PRKN: variants seen among roughly 807,000 people sequenced by gnomAD.
PRKN encodes the protein parkin RBR E3 ubiquitin protein ligase.
PRKN carries 56 observed loss-of-function variants against 59.5 expected under a neutral mutation model. The ratio of observed to expected loss-of-function variants is 0.94; its 90% CI spans 0.76 to 1.18. The LOEUF is 1.18. Among genes scored for constraint, PRKN ranks in the 50% most tolerant of loss-of-function variants. PRKN has a pLI of 0.00. For missense variants in PRKN, 657 were observed against 596.4 expected, an observed-to-expected ratio of 1.10 and a Z score of -1.06; for synonymous variants, 250 against 222.1, an observed-to-expected ratio of 1.13 and a Z score of -1.12.
At chr6:161,622,414 C>A (rs191112936) in intron 7 of PRKN, among the ~76,000 whole-genome samples, 6 of 152,276 alleles carry the variant, frequency 3.9e-5, no homozygotes, top group Admixed American at 1.3e-4. Flanking sequence ...CCTCCCCAGG[C>A]CCCTAAAGGA....
chr6:161,826,154 C>T (rs561607907), intron 6 of PRKN, among the ~76,000 whole-genome samples: 8 of 152,234 alleles, frequency 5.3e-5, no homozygotes, highest in Non-Finnish European at 1.2e-4. Context: ...ATTATCATTA[C>T]CACGAAGATT....
intron 5 of PRKN, among the ~76,000 whole-genome samples, chr6:162,019,636 T>C (rs941029871): frequency 6.6e-5 from 10 of 152,300 alleles, no homozygotes; most frequent in East Asian, 1.9e-4. Flanking sequence ...CAAAGAACAC[T>C]TGGGGAGTCC....
At chr6:161,663,856 G>A (rs1784634005) in intron 7 of PRKN, among the ~76,000 whole-genome samples, 1 of 152,176 alleles carries the variant, frequency 6.6e-6, no homozygotes, top group African/African-American at 2.4e-5. Context: ...GGACCACGAG[G>A]AGCAGCCGCC....
intron 1 of PRKN, among the ~76,000 whole-genome samples, chr6:162,647,886 A>G (rs1778249224): frequency 6.8e-6 from 1 of 147,950 alleles, no homozygotes; most frequent in South Asian, 2.2e-4. Context: ...CTTTCTAGCT[A>G]TATAAGATCA....
chr6:162,123,856 T>C (rs933354113), intron 4 of PRKN, among the ~76,000 whole-genome samples: 1 of 152,204 alleles, frequency 6.6e-6, no homozygotes, highest in Non-Finnish European at 1.5e-5. Flanking sequence ...TTCTATTCTC[T>C]AATGTTTTGA....
intron 6 of PRKN, among the ~76,000 whole-genome samples, chr6:161,903,480 A>G (rs1778014626): frequency 6.6e-6 from 1 of 152,182 alleles, no homozygotes; most frequent in Non-Finnish European, 1.5e-5. Context: ...TTCGTTTCTG[A>G]GCTGACAGCC....
At chr6:162,065,357 G>A (rs1390575255) in intron 4 of PRKN, among the ~76,000 whole-genome samples, 1 of 152,098 alleles carries the variant, frequency 6.6e-6, no homozygotes, top group African/African-American at 2.4e-5. Flanking sequence ...ATGAAAGAAA[G>A]ATGGAAGCCA....
At chr6:161,968,234 C>T (rs1203853964) in intron 6 of PRKN, among the ~76,000 whole-genome samples, 2 of 137,002 alleles carry the variant, frequency 1.5e-5, no homozygotes, top group South Asian at 2.3e-4. Context: ...GATGGGATTT[C>T]CCCATGTTGG....
At chr6:161,845,369 G>A (rs1793158573) in intron 6 of PRKN, among the ~76,000 whole-genome samples, 1 of 152,178 alleles carries the variant, frequency 6.6e-6, no homozygotes, top group African/African-American at 2.4e-5. Flanking sequence ...AGGAAGCACT[G>A]AACGACATTC....
intron 6 of PRKN, among the ~76,000 whole-genome samples, chr6:161,810,586 G>A (rs1791519112): frequency 6.6e-6 from 1 of 152,142 alleles, no homozygotes; most frequent in Non-Finnish European, 1.5e-5. Context: ...CCTTGGTTGG[G>A]AAGCTGACAT....
chr6:162,225,007 G>A (rs759863897), intron 3 of PRKN, among the ~76,000 whole-genome samples: 1 of 152,142 alleles, frequency 6.6e-6, no homozygotes, highest in Non-Finnish European at 1.5e-5. Flanking sequence ...CAGTATACCT[G>A]AGACTGGGTA....
At chr6:162,123,215 T>G (rs1301736745) in intron 4 of PRKN, among the ~76,000 whole-genome samples, 1 of 152,114 alleles carries the variant, frequency 6.6e-6, no homozygotes, top group Admixed American at 6.6e-5. Flanking sequence ...GGTATTTCCA[T>G]GTCCAAAAGT....
intron 2 of PRKN, among the ~76,000 whole-genome samples, chr6:162,430,824 A>C (rs982354329): frequency 6.6e-6 from 1 of 152,188 alleles, no homozygotes; most frequent in Admixed American, 6.5e-5. Flanking sequence ...TGGCTGCTAA[A>C]ATAGGAAGAG....
At chr6:162,642,966 G>A (rs978548367) in intron 1 of PRKN, among the ~76,000 whole-genome samples, 24 of 151,984 alleles carry the variant, frequency 1.6e-4, no homozygotes, top group Non-Finnish European at 2.9e-4. Flanking sequence ...GGTGGATTGC[G>A]ACATTTTAAA....
intron 1 of PRKN, among the ~76,000 whole-genome samples, chr6:162,540,936 G>T (rs1778904559): frequency 1.3e-5 from 2 of 152,052 alleles, no homozygotes; most frequent in South Asian, 4.2e-4. Context: ...ATGTCTACAT[G>T]TCTAAACTTT....
At position 161,582,971 on chromosome 6, in the gene PRKN, AACACACACACACACACAC is replaced by A. The variant is rs768568929; in HGVS notation, c.872-13573_872-13556del. 9.4e-5 allele frequency among the ~76,000 whole-genome samples: 11 copies of A among 117,158 alleles called. No individual in the cohort carries two copies. The highest frequency in any genetic ancestry group is 6.7e-4 in the South Asian group (2 of 2,968). 76.9% of individuals were successfully genotyped at this position (117,158 alleles called of 152,430 possible). A position where few individuals can be genotyped will look rare whatever the true frequency, so the allele number is the denominator to read the frequency against. On this transcript the variant is annotated intron_variant, in intron 7 of 11. Coordinates refer to ENST00000366898, the MANE Select transcript of PRKN (RefSeq NM_004562.3). This position sits in a 1 kb window ranked among gnomAD's most constrained non-coding sequence, Gnocchi z 4.4. The stretch of plus-strand genomic sequence containing the variant: ...TCTTTCCAGTGAGATGGCCTATTCC[AACACACACACACACACAC>A]ACACACACACACACACACACACACA...
rs557466548 is a variant in PRKN at position 161,419,114 on chromosome 6, G to A, written c.1084-32237C>T. Reference sequence around the variant, plus strand: ...GACACACAAATATGTAAGGTCATTAGTGTTCACTAAATGCGTAGCTATGCA... The same window carrying A: ...GACACACAAATATGTAAGGTCATTAATGTTCACTAAATGCGTAGCTATGCA... On this transcript the variant is annotated intron_variant, in intron 9 of 11. Coordinates refer to ENST00000366898, the MANE Select transcript of PRKN (RefSeq NM_004562.3). The surrounding 1 kb of genome is among the most constrained non-coding windows in gnomAD (Gnocchi z 4.1). Among the ~76,000 whole-genome samples the A allele has an allele frequency of 6.6e-5, 10 of 152,344 alleles. No homozygotes were observed. Among genetic ancestry groups the A allele is most frequent in the African/African-American group, 2.4e-4 (10 of 41,582 alleles).
rs954623076 is a variant in PRKN at position 161,459,902 on chromosome 6, T to C, written c.1084-73025A>G. ...TGAAAGTTGGTTTCTTGGTGCTGCTTACATTATTTTATTTAGATAAGAAAA... is the reference window on the plus strand; with the variant it reads ...TGAAAGTTGGTTTCTTGGTGCTGCTCACATTATTTTATTTAGATAAGAAAA... On this transcript the variant is annotated intron_variant, in intron 9 of 11. Transcript: ENST00000366898. The surrounding 1 kb of genome is among the most constrained non-coding windows in gnomAD (Gnocchi z 4.8). Among the ~76,000 whole-genome samples, 6 of 152,230 alleles carry C rather than the reference T, an allele frequency of 3.9e-5. No individual in the cohort carries two copies. Among genetic ancestry groups the C allele is most frequent in the African/African-American group, 1.4e-4 (6 of 41,450 alleles).
At chr6:162,224,171 G>C (rs1778063737) in intron 3 of PRKN, among the ~76,000 whole-genome samples, 1 of 151,870 alleles carries the variant, frequency 6.6e-6, no homozygotes, top group African/African-American at 2.4e-5. Flanking sequence ...AGCTATATTT[G>C]GCATATAGAT....
Sources: gnomAD v4.1 joint callset for allele counts (sites outside exome capture counted in the v4.1 genomes callset) on GRCh38, gnomAD v4.1.1 for gene constraint, Gnocchi (gnomAD v3.1) non-coding constraint, MANE v1.5 for transcripts, NCBI Gene and HGNC (gene_info 2026-07-23, HGNC 2026-07-21) for gene names.